Variants in CDKAL1 observed in about 807,000 individuals in gnomAD.
CDKAL1 encodes threonylcarbamoyladenosine tRNA methylthiotransferase.
Under a neutral mutation model 68.2 loss-of-function variants are expected in CDKAL1, and 32 were observed. That is an observed-to-expected ratio of 0.47 (90% CI 0.35 to 0.63). The LOEUF is 0.63. CDKAL1 is among the 30% of genes least tolerant of loss of function. The pLI is 0.00. For missense variants in CDKAL1, 606 were observed against 696.7 expected (o/e 0.87, Z 1.47); for synonymous variants, 234 against 244.3 (o/e 0.96, Z 0.39).
chr6:21,199,321 A>G (rs889572450), intron 14 of CDKAL1, among the ~76,000 whole-genome samples: 2 of 152,186 alleles, frequency 1.3e-5, no homozygotes, highest in Non-Finnish European at 2.9e-5. Flanking sequence ...CAAAGCCCAG[A>G]CTAAACGTGC....
chr6:20,783,246 G>A (rs1482843048), intron 8 of CDKAL1, among the ~76,000 whole-genome samples: 1 of 152,050 alleles, frequency 6.6e-6, no homozygotes, highest in Non-Finnish European at 1.5e-5. Context: ...TGCCGGTTTT[G>A]TGTGTGTGTT....
At chr6:20,962,399 A>G (rs1316254186) in intron 10 of CDKAL1, among the ~76,000 whole-genome samples, 1 of 152,196 alleles carries the variant, frequency 6.6e-6, no homozygotes, top group Non-Finnish European at 1.5e-5. Flanking sequence ...TTGTATGTTT[A>G]CTTCTACTTC....
intron 9 of CDKAL1, among the ~76,000 whole-genome samples, chr6:20,948,250 A>G (rs1030949419): frequency 4.6e-5 from 7 of 151,934 alleles, no homozygotes; most frequent in African/African-American, 1.7e-4. Context: ...CTCCTTAACT[A>G]AGGGAATCCT....
intron 4 of CDKAL1, among the ~76,000 whole-genome samples, chr6:20,586,065 C>A (rs1266752252): frequency 6.6e-6 from 1 of 152,190 alleles, no homozygotes; most frequent in African/African-American, 2.4e-5. Flanking sequence ...CTACTTGTTT[C>A]CACATCACAC....
intron 13 of CDKAL1, among the ~76,000 whole-genome samples, chr6:21,143,854 T>C (rs1344824900): frequency 1.3e-5 from 2 of 152,186 alleles, no homozygotes; most frequent in African/African-American, 4.8e-5. Context: ...GTTGCTGCTC[T>C]CTGTTGAATA....
chr6:20,758,743 A>G, intron 7 of CDKAL1, 100 bp downstream of exon 7: 1 of 824,332 alleles, frequency 1.2e-6, no homozygotes, highest in Middle Eastern at 2.4e-4. Context: ...TATAAAAGTT[A>G]TTGTTTTAGA....
At chr6:20,565,890 G>T (rs544255131) in intron 4 of CDKAL1, among the ~76,000 whole-genome samples, 1 of 152,120 alleles carries the variant, frequency 6.6e-6, no homozygotes. Context: ...GTGTAATTCT[G>T]TGGGTTTGGT....
At chr6:20,646,026 T>G (rs1429438147) in intron 4 of CDKAL1, among the ~76,000 whole-genome samples, 2 of 150,350 alleles carry the variant, frequency 1.3e-5, no homozygotes, top group East Asian at 3.9e-4. Context: ...GGAGGACCTT[T>G]CTGAGGCTAT....
chr6:20,631,170 C>A (rs62397571), intron 4 of CDKAL1, among the ~76,000 whole-genome samples: 6 of 151,140 alleles, frequency 4.0e-5, no homozygotes, highest in African/African-American at 1.5e-4. Flanking sequence ...CCACCTGTTA[C>A]GCCTCTGTGA....
intron 13 of CDKAL1, among the ~76,000 whole-genome samples, chr6:21,114,783 A>G (rs1443287161): frequency 2.0e-5 from 3 of 152,216 alleles, no homozygotes; most frequent in Non-Finnish European, 4.4e-5. Context: ...GGCACTAGGC[A>G]TAACTTGAGT....
intron 4 of CDKAL1, among the ~76,000 whole-genome samples, chr6:20,581,585 A>T (rs1302935708): frequency 2.0e-5 from 3 of 152,180 alleles, no homozygotes; most frequent in African/African-American, 7.2e-5. Flanking sequence ...TCTTTATGAA[A>T]TGTCAGTGTT....
chr6:20,922,189 G>A (rs1762986156), intron 9 of CDKAL1, among the ~76,000 whole-genome samples: 1 of 152,198 alleles, frequency 6.6e-6, no homozygotes, highest in African/African-American at 2.4e-5. Flanking sequence ...CAAATCTCGT[G>A]TTCGAATAAA....
intron 10 of CDKAL1, among the ~76,000 whole-genome samples, chr6:20,957,671 A>T (rs1366445294): frequency 6.6e-6 from 1 of 152,162 alleles, no homozygotes; most frequent in Non-Finnish European, 1.5e-5. Flanking sequence ...GAATATGAGA[A>T]TGAATACAGG....
At chr6:21,038,439 C>T (rs1018392769) in intron 11 of CDKAL1, among the ~76,000 whole-genome samples, 12 of 152,188 alleles carry the variant, frequency 7.9e-5, no homozygotes, top group African/African-American at 2.7e-4. Flanking sequence ...ACAGAATAAT[C>T]AGCACACACT....
At chr6:21,104,750 G>T (rs1342850273) in intron 12 of CDKAL1, among the ~76,000 whole-genome samples, 1 of 152,150 alleles carries the variant, frequency 6.6e-6, no homozygotes, top group Non-Finnish European at 1.5e-5. Context: ...TTTCTTTACT[G>T]GTTCTTTGGG....
Position 20,938,719 on chromosome 6 carries a change from C to T in CDKAL1, c.743-16700C>T, listed in dbSNP as rs143643202. Among the ~76,000 whole-genome samples the T allele has an allele frequency of 3.0e-3, 458 of 152,070 alleles. 1 individual carries two copies. Among genetic ancestry groups the T allele is most frequent in the African/African-American group, 0.01 (429 of 41,508 alleles). On this transcript the variant is annotated intron_variant, in intron 9 of 15. Transcript: ENST00000274695. ...ATATATAAAAGATGATAAATTAGTG[C>T]GTAAGTAGGAAACATTAACAGAAGC...
rs1457085579 is a variant in CDKAL1 at position 20,739,596 on chromosome 6, A to C, written c.449A>C (p.Lys150Thr). Reference protein sequence around the residue: ...PQAQPRQDYLKGLSIIGVQQI... With the variant: ...PQAQPRQDYLTGLSIIGVQQI... ...GCCCAGCCTCGCCAGGACTACCTTA[A>C]GGGACTGAGTATCATTGGGGTAAGC... The change falls in exon 6 of 16, where the codon AAG (lysine) becomes ACG (threonine). Residue 150 changes from lysine to threonine, a missense_variant. Transcript: ENST00000274695. 6.2e-7 allele frequency: 1 copy of C among 1,610,116 alleles called. No individual in the cohort carries two copies. The highest frequency in any genetic ancestry group is 1.3e-5 in the African/African-American group (1 of 74,818).
intron 5 of CDKAL1, among the ~76,000 whole-genome samples, chr6:20,727,818 T>A (rs1416873863): frequency 2.0e-5 from 3 of 152,158 alleles, no homozygotes; most frequent in Non-Finnish European, 4.4e-5. Context: ...AGTTTTGAGG[T>A]GACTGATAAT....
intron 13 of CDKAL1, among the ~76,000 whole-genome samples, chr6:21,158,023 TTTTC>T (rs1306964044): frequency 3.3e-5 from 5 of 152,240 alleles, no homozygotes; most frequent in African/African-American, 1.2e-4. Flanking sequence ...ATGCATTTGT[TTTTC>T]TTTCTGGCTT....
Sources: gnomAD v4.1 joint callset for allele counts (sites outside exome capture counted in the v4.1 genomes callset) on GRCh38, gnomAD v4.1.1 for gene constraint, MANE v1.5 for transcripts, NCBI Gene and HGNC (gene_info 2026-07-23, HGNC 2026-07-21) for gene names.